NAV3: variants seen among roughly 807,000 people sequenced by gnomAD.
The protein encoded by NAV3 is neuron navigator 3.
A neutral mutation model predicts 244.7 loss-of-function variants in NAV3; 87 were observed. That is an observed-to-expected ratio of 0.36 (90% CI 0.30 to 0.42). The LOEUF (loss-of-function observed/expected upper bound fraction) is 0.42. NAV3 is among the 20% of genes least tolerant of loss of function. NAV3 has a pLI of 1.00. For missense variants in NAV3, 2,663 were observed against 2,893.3 expected (o/e 0.92, Z 1.83); for synonymous variants, 1,126 against 1,042.2 (o/e 1.08, Z -1.55).
intron 3 of NAV3, among the ~76,000 whole-genome samples, chr12:77,949,659 G>A (rs1266697506): frequency 2.6e-5 from 4 of 151,758 alleles, no homozygotes; most frequent in Non-Finnish European, 5.9e-5. Flanking sequence ...ACCCAACAGA[G>A]TAGTATATTT....
intron 1 of NAV3, among the ~76,000 whole-genome samples, chr12:77,887,676 G>A (rs1416565696): frequency 6.6e-6 from 1 of 152,080 alleles, no homozygotes; most frequent in East Asian, 1.9e-4. Flanking sequence ...CACTTTGAGA[G>A]ACTTATTTAG....
chr12:77,901,506 T>G (rs1158237887), intron 1 of NAV3, among the ~76,000 whole-genome samples: 1 of 152,010 alleles, frequency 6.6e-6, no homozygotes, highest in African/African-American at 2.4e-5. Flanking sequence ...GGTTACGAGT[T>G]TGAGACCAGC....
At chr12:77,868,482 A>G (rs948813518) in intron 1 of NAV3, among the ~76,000 whole-genome samples, 11 of 152,144 alleles carry the variant, frequency 7.2e-5, no homozygotes, top group African/African-American at 2.2e-4. Flanking sequence ...AGCCAAATGT[A>G]TTATGGCTCG....
intron 2 of NAV3, among the ~76,000 whole-genome samples, chr12:77,627,589 A>C (rs1210265096): frequency 1.3e-5 from 2 of 152,178 alleles, no homozygotes; most frequent in African/African-American, 4.8e-5. Flanking sequence ...ACCAATACTA[A>C]GTAATGAGGA....
intron 11 of NAV3, among the ~76,000 whole-genome samples, chr12:78,051,863 T>G (rs760575824): frequency 4.8e-4 from 73 of 152,208 alleles, no homozygotes; most frequent in Non-Finnish European, 9.8e-4. Flanking sequence ...TGTCAAGTGC[T>G]TTGAAGATAT....
At chr12:78,027,539 A>G (rs1293306169) in intron 9 of NAV3, among the ~76,000 whole-genome samples, 4 of 152,222 alleles carry the variant, frequency 2.6e-5, no homozygotes, top group Admixed American at 2.6e-4. Context: ...AAGGTCCCAA[A>G]GTCATAAGTT....
In NAV3 at chr12:77,977,708, A is replaced by ACACACGCG. The variant is rs71088353; in HGVS notation, c.671+9007_671+9008insACACGCGC. On this transcript the variant is annotated intron_variant, in intron 5 of 39. Coordinates refer to ENST00000397909, the MANE Select transcript of NAV3 (RefSeq NM_001024383.2). ...TATATATACACACACACACACACAC[A>ACACACGCG]CGCGCACACACACACACACACACAC... Among the ~76,000 whole-genome samples the ACACACGCG allele has an allele frequency of 5.7e-3, 415 of 73,348 alleles. 1 individual carries two copies. The highest frequency in any genetic ancestry group is 0.024 in the South Asian group (44 of 1,840). 48.1% of individuals were successfully genotyped at this position (73,348 alleles called of 152,430 possible). A position where few individuals can be genotyped will look rare whatever the true frequency, so the allele number is the denominator to read the frequency against.
chr12:78,207,772 G>T (rs1200453853), intron 39 of NAV3, among the ~76,000 whole-genome samples: 1 of 152,166 alleles, frequency 6.6e-6, no homozygotes, highest in Non-Finnish European at 1.5e-5. Flanking sequence ...ATCATTGCAG[G>T]AAGTTAAAAC....
At chr12:77,687,678 A>T (rs145852720) in intron 2 of NAV3, among the ~76,000 whole-genome samples, 1 of 152,164 alleles carries the variant, frequency 6.6e-6, no homozygotes, top group South Asian at 2.1e-4. Context: ...AGAGAAACTC[A>T]TGAGAAAAAA....
rs542998891 is a variant in NAV3 at position 77,700,104 on chromosome 12, A to G, written c.72+127838A>G. ...GATTTCTGTGCTTCGATACAAACCTAATGAGATCAAGACCTTAACTCCTAT... is the reference window on the plus strand; with the variant it reads ...GATTTCTGTGCTTCGATACAAACCTGATGAGATCAAGACCTTAACTCCTAT... On this transcript the variant is annotated intron_variant, in intron 2 of 8. Coordinates refer to the NAV3 transcript ENST00000550042. Among the ~76,000 whole-genome samples, 3 of 152,286 alleles carry G rather than the reference A, an allele frequency of 2.0e-5. No individual in the cohort carries two copies. The East Asian group carries it at 5.8e-4, about 29-fold the overall frequency.
intron 2 of NAV3, among the ~76,000 whole-genome samples, chr12:77,807,850 T>C (rs1351569427): frequency 6.6e-6 from 1 of 152,182 alleles, no homozygotes; most frequent in East Asian, 1.9e-4. Context: ...TAGTCCCATA[T>C]TTCTTGGAGG....
At chr12:77,994,944 C>CTTT in intron 6 of NAV3, 73 bp downstream of exon 6, 3 of 946,338 alleles carry the variant, frequency 3.2e-6, no homozygotes, top group Non-Finnish European at 3.0e-6. Flanking sequence ...TTTGTCCTAT[C>CTTT]TTTTTTTTTT....
chr12:77,761,621 T>C (rs879763328), intron 2 of NAV3, among the ~76,000 whole-genome samples: 6 of 152,014 alleles, frequency 3.9e-5, no homozygotes, highest in Non-Finnish European at 8.8e-5. Flanking sequence ...GTGAAGGATA[T>C]GAACAGACAC....
At chr12:77,916,885 A>T (rs1009017803) in intron 1 of NAV3, among the ~76,000 whole-genome samples, 2 of 152,054 alleles carry the variant, frequency 1.3e-5, no homozygotes, top group Non-Finnish European at 2.9e-5. Flanking sequence ...TATTAAAAAA[A>T]TACCAAATAC....
At chr12:77,992,021 C>CAA (rs879814338) in intron 5 of NAV3, among the ~76,000 whole-genome samples, 10 of 138,994 alleles carry the variant, frequency 7.2e-5, no homozygotes, top group African/African-American at 2.7e-4. Context: ...GACTCCATCT[C>CAA]AAAAAAAAAA....
intron 9 of NAV3, among the ~76,000 whole-genome samples, chr12:78,025,188 C>T (rs1177822082): frequency 6.6e-6 from 1 of 152,118 alleles, no homozygotes; most frequent in East Asian, 1.9e-4. Flanking sequence ...GATCAAGTCT[C>T]AGGGCTTATC....
intron 1 of NAV3, among the ~76,000 whole-genome samples, chr12:77,885,794 G>A (rs879774900): frequency 5.3e-5 from 8 of 152,050 alleles, no homozygotes; most frequent in Admixed American, 1.3e-4. Flanking sequence ...TCGCTGTCTT[G>A]CTGCTTAAGA....
intron 2 of NAV3, among the ~76,000 whole-genome samples, chr12:77,790,261 CA>C (rs1798083984): frequency 6.6e-6 from 1 of 152,196 alleles, no homozygotes; most frequent in African/African-American, 2.4e-5. Flanking sequence ...GTTTTCTTCA[CA>C]AAACTTCACA....
chr12:77,729,822 C>A (rs901114583), intron 2 of NAV3, among the ~76,000 whole-genome samples: 3 of 151,826 alleles, frequency 2.0e-5, no homozygotes, highest in Non-Finnish European at 4.4e-5. Context: ...GGATATCAGA[C>A]ACAATAGAGG....
Sources: allele counts gnomAD v4.1 joint callset (sites outside exome capture counted in the v4.1 genomes callset), GRCh38; gene constraint gnomAD v4.1.1; transcripts MANE v1.5; gene names NCBI Gene and HGNC (gene_info 2026-07-23, HGNC 2026-07-21).